The following FOXE1 variants were observed in gnomAD, a reference collection of about 807,000 sequenced individuals.
FOXE1 encodes forkhead box E1.
In FOXE1, 4 loss-of-function variants were observed where a neutral mutation model predicts 2.1. That is an observed-to-expected ratio of 1.91 (90% confidence interval 0.94 to 4.37). The LOEUF (loss-of-function observed/expected upper bound fraction) is 4.37, where lower values mean the gene tolerates loss of function less well. Among genes scored for constraint, FOXE1 ranks in the 30% most tolerant of loss-of-function variants. The pLI is 0.01. For synonymous variants in FOXE1, 277 were observed against 272.4 expected (o/e 1.02, Z -0.17); for missense variants, 574 against 583.3 (o/e 0.98, Z 0.16).
In FOXE1 at chr9:97,854,522, C is replaced by T. The variant is rs766497891; in HGVS notation, c.608C>T (p.Pro203Leu). The change falls in exon 1 of 1, where the codon CCG becomes CTG. Residue 203 changes from proline to leucine, a missense_variant. By Grantham distance (98) the Pro-to-Leu change is moderately conservative (BLOSUM62 -3). Transcript: ENST00000375123. The part of the protein sequence containing the change: ...PGAVYAGYAP[P>L]SLAAPPPVYY... ...GCCGTCTATGCAGGCTACGCGCCGC[C>T]GTCGCTGGCCGCGCCGCCTCCAGTC... 1.7e-5 allele frequency: 21 copies of T among 1,253,374 alleles called. No homozygotes were observed. The highest frequency in any genetic ancestry group is 2.0e-5 in the Non-Finnish European group (20 of 1,003,290). The allele number at this position is 1,253,374 out of a possible 1,614,324, so 77.6% of individuals were successfully genotyped here.
chr9:97,854,119 G>C lies in FOXE1; in HGVS notation c.205G>C (p.Ala69Pro). 1 of 1,611,614 alleles carries C rather than the reference G, an allele frequency of 6.2e-7. No homozygotes were observed. Among genetic ancestry groups the C allele is most frequent in the Non-Finnish European group, 8.5e-7 (1 of 1,179,110 alleles). Residue 69 changes from alanine (A) to proline (P), a missense_variant, in exon 1 of 1, where the codon GCG becomes CCG. Coordinates refer to ENST00000375123, the MANE Select transcript of FOXE1 (RefSeq NM_004473.4). ...IALIAMAIAH[A>P]PERRLTLGGI... ...GCTCATCGCCATGGCCATCGCGCACGCGCCCGAGCGCCGCCTCACGCTGGG... is the reference window on the plus strand; with the variant it reads ...GCTCATCGCCATGGCCATCGCGCACCCGCCCGAGCGCCGCCTCACGCTGGG...
In FOXE1 at chr9:97,853,944, G is replaced by C; in HGVS notation, c.30G>C (p.Pro10=). MTAESGPPP[P]QPEVLATVKE... Reference sequence around the variant, plus strand: ...CTGCCGAGAGCGGGCCGCCGCCGCCGCAGCCGGAGGTGCTGGCTACCGTGA... The same window carrying C: ...CTGCCGAGAGCGGGCCGCCGCCGCCCCAGCCGGAGGTGCTGGCTACCGTGA... The change falls in exon 1 of 1, where the codon CCG becomes CCC. Residue 10 remains proline, a synonymous_variant. Transcript: ENST00000375123. The C allele has an allele frequency of 1.5e-6, 2 of 1,299,780 alleles. No individual in the cohort carries two copies. Among genetic ancestry groups the C allele is most frequent in the Non-Finnish European group, 1.9e-6 (2 of 1,028,818 alleles). The allele number at this position is 1,299,780 out of a possible 1,614,324, so 80.5% of individuals were successfully genotyped here. A position where few individuals can be genotyped will look rare whatever the true frequency, so the allele number is the denominator to read the frequency against.
In FOXE1 at chr9:97,855,012, A is replaced by G; in HGVS notation, c.1098A>G (p.Ile366Met). The G allele has an allele frequency of 6.2e-7, 1 of 1,610,774 alleles. No homozygotes were observed. Among genetic ancestry groups the G allele is most frequent in the Non-Finnish European group, 8.5e-7 (1 of 1,180,004 alleles). The change falls in exon 1 of 1, where the codon ATA (isoleucine) becomes ATG (methionine). Residue 366 changes from isoleucine (I) to methionine (M), a missense_variant. Transcript: ENST00000375123. ...ATGCTGCCGCTTATCCCGGTGGGATAGATCGGTTCGTGTCCGCCATGTGAG... is the reference window on the plus strand; with the variant it reads ...ATGCTGCCGCTTATCCCGGTGGGATGGATCGGTTCGTGTCCGCCATGTGAG... ...ARHAAAYPGG[I>M]DRFVSAM
Position 97,853,230 on chromosome 9 carries a change from C to G in FOXE1, c.-685C>G, listed in dbSNP as rs965248225. On this transcript the variant is annotated 5_prime_UTR_variant, in exon 1 of 1. Coordinates refer to ENST00000375123, the MANE Select transcript of FOXE1 (RefSeq NM_004473.4). ...AGGGGAAGCCGGCGGAGGGAGGAGC[C>G]GGTCCGGTGTGTGCAGGGGAGCGCC... 6.6e-5 allele frequency: 10 copies of G among 152,414 alleles called. No homozygotes were observed. The highest frequency in any genetic ancestry group is 1.9e-4 in the East Asian group (1 of 5,174). 9.4% of individuals were successfully genotyped at this position (152,414 alleles called of 1,614,324 possible).
chr9:97,854,323 T>C lies in FOXE1; in HGVS notation c.409T>C (p.Phe137Leu), dbSNP rs1830633945. ...GCTTGACCCCAACGCGGAGGACATG[T>C]TCGAGAGCGGCAGCTTCCTGCGCCG... is the stretch of plus-strand genomic sequence containing the variant. ...WALDPNAEDMFESGSFLRRRK... is the reference protein window; with the variant it reads ...WALDPNAEDMLESGSFLRRRK... Residue 137 changes from phenylalanine to leucine, a missense_variant, in exon 1 of 1, where the codon TTC becomes CTC. Coordinates refer to ENST00000375123, the MANE Select transcript of FOXE1 (RefSeq NM_004473.4). 6.2e-7 allele frequency: 1 copy of C among 1,607,638 alleles called. No homozygotes were observed. Among genetic ancestry groups the C allele is most frequent in the Non-Finnish European group, 8.5e-7 (1 of 1,177,126 alleles).
In FOXE1 at chr9:97,854,587, G is replaced by A. The variant is rs759780973; in HGVS notation, c.673G>A (p.Gly225Ser). ...AASPGPCRVFGLVPERPLSPE... is the reference protein window; with the variant it reads ...AASPGPCRVFSLVPERPLSPE... ...GTCGCCCGGCCCTTGCCGCGTCTTC[G>A]GCCTGGTTCCTGAGCGGCCGCTCAG... The change falls in exon 1 of 1, where the codon GGC (glycine) becomes AGC (serine). Residue 225 changes from glycine to serine, a missense_variant. Physicochemically the swap from Gly to Ser is moderately conservative, Grantham distance 56. Around this residue, in one of 3 missense-constraint regions of FOXE1, gnomAD observed 316 missense variants for 288.4 expected, o/e 1.10. Coordinates refer to ENST00000375123, the MANE Select transcript of FOXE1 (RefSeq NM_004473.4). 3.0e-6 allele frequency: 4 copies of A among 1,347,846 alleles called. No homozygotes were observed. In the African/African-American group the frequency reaches 6.2e-5, roughly 21 times the overall value. 83.5% of individuals were successfully genotyped at this position (1,347,846 alleles called of 1,614,324 possible).
chr9:97,854,054 G>T lies in FOXE1; in HGVS notation c.140G>T (p.Arg47Leu). The stretch of plus-strand genomic sequence containing the variant: ...GGGGCGGGCGGGCGGCGCCGCAAGC[G>T]CCCCCTGCAGCGCGGGAAGCCGCCC... ...GRGAGGRRRK[R>L]PLQRGKPPYS... The change falls in exon 1 of 1, where the codon CGC becomes CTC. Residue 47 changes from arginine to leucine, a missense_variant. By Grantham distance (102) the Arg-to-Leu change is moderately radical. Around this residue, in one of 3 missense-constraint regions of FOXE1, gnomAD observed 249 missense variants for 269.6 expected, o/e 0.92. Transcript: ENST00000375123. The T allele has an allele frequency of 3.3e-6, 5 of 1,509,462 alleles. No individual in the cohort carries two copies. Among genetic ancestry groups the T allele is most frequent in the Non-Finnish European group, 3.5e-6 (4 of 1,129,336 alleles). 93.5% of individuals were successfully genotyped at this position (1,509,462 alleles called of 1,614,324 possible). A position where few individuals can be genotyped will look rare whatever the true frequency, so the allele number is the denominator to read the frequency against.
In FOXE1 at chr9:97,853,804, C is replaced by A; in HGVS notation, c.-111C>A. The A allele has an allele frequency of 3.1e-6, 3 of 981,556 alleles. No homozygotes were observed. The highest frequency in any genetic ancestry group is 3.9e-6 in the Non-Finnish European group (3 of 765,500). The allele number at this position is 981,556 out of a possible 1,614,324, so 60.8% of individuals were successfully genotyped here. On this transcript the variant is annotated 5_prime_UTR_variant, in exon 1 of 1. Transcript: ENST00000375123. ...CTCTCGGGGCCAGCCCGCGACGATCCCCTGAGCTCTCCGCAGAAGGGCCGA... is the reference window on the plus strand; with the variant it reads ...CTCTCGGGGCCAGCCCGCGACGATCACCTGAGCTCTCCGCAGAAGGGCCGA...
chr9:97,854,129 G>A lies in FOXE1; in HGVS notation c.215G>A (p.Arg72His), dbSNP rs201022863. The A allele has an allele frequency of 1.1e-5, 18 of 1,611,964 alleles. No individual in the cohort carries two copies. Among genetic ancestry groups the A allele is most frequent in the Non-Finnish European group, 5.1e-6 (6 of 1,179,300 alleles). The change falls in exon 1 of 1, where the codon CGC becomes CAC. Residue 72 changes from arginine to histidine, a missense_variant. Coordinates refer to ENST00000375123, the MANE Select transcript of FOXE1 (RefSeq NM_004473.4). Reference protein sequence around the residue: ...IAMAIAHAPERRLTLGGIYKF... With the variant: ...IAMAIAHAPEHRLTLGGIYKF... ...ATGGCCATCGCGCACGCGCCCGAGC[G>A]CCGCCTCACGCTGGGCGGCATCTAC...
Position 97,854,989 on chromosome 9 carries a change from G to A in FOXE1, c.1075G>A (p.Ala359Thr), listed in dbSNP as rs1587809193. The change falls in exon 1 of 1, where the codon GCT (alanine) becomes ACT (threonine). Residue 359 changes from alanine to threonine, a missense_variant. Physicochemically the swap from Ala to Thr is moderately conservative, Grantham distance 58 (BLOSUM62 0). This residue lies in a region of FOXE1 where 316 missense variants were observed against 288.4 expected (regional missense o/e 1.10). Coordinates refer to ENST00000375123, the MANE Select transcript of FOXE1 (RefSeq NM_004473.4). ...ASAGAYHARH[A>T]AAYPGGIDRF... ...TGCAGGCGCCTACCATGCTCGCCAT[G>A]CTGCCGCTTATCCCGGTGGGATAGA... 6.2e-7 allele frequency: 1 copy of A among 1,607,984 alleles called. No homozygotes were observed. Among genetic ancestry groups the A allele is most frequent in the Admixed American group, 1.7e-5 (1 of 60,012 alleles).
rs187232918 is a variant in FOXE1 at position 97,854,806 on chromosome 9, G to C, written c.892G>C (p.Ala298Pro). ...GCAGGGCGCCGGCAGTGCGATCTTTGCCGCTGCTGGCCGCCTGGCGGGACC... is the reference window on the plus strand; with the variant it reads ...GCAGGGCGCCGGCAGTGCGATCTTTCCCGCTGCTGGCCGCCTGGCGGGACC... ...YPQGAGSAIFAAAGRLAGPAS... is the reference protein window; with the variant it reads ...YPQGAGSAIFPAAGRLAGPAS... Residue 298 changes from alanine to proline, a missense_variant, in exon 1 of 1, where the codon GCC becomes CCC. By Grantham distance (27) the Ala-to-Pro change is conservative. Coordinates refer to ENST00000375123, the MANE Select transcript of FOXE1 (RefSeq NM_004473.4). The C allele has an allele frequency of 5.2e-6, 8 of 1,531,594 alleles. No individual in the cohort carries two copies. The East Asian group carries it at 2.0e-4, about 37-fold the overall frequency. 94.9% of individuals were successfully genotyped at this position (1,531,594 alleles called of 1,614,324 possible).
In FOXE1 at chr9:97,855,235, C is replaced by A; in HGVS notation, c.*199C>A. On this transcript the variant is annotated 3_prime_UTR_variant, in exon 1 of 1. Transcript: ENST00000375123. ...AACGGGAGGAGGTGGGGCGAGGCAG[C>A]CAGAGCCCTTGGACTGGCACAGGGA... 1.4e-6 allele frequency: 1 copy of A among 707,034 alleles called. No homozygotes were observed. The highest frequency in any genetic ancestry group is 2.5e-6 in the Non-Finnish European group (1 of 397,690). 43.8% of individuals were successfully genotyped at this position (707,034 alleles called of 1,614,324 possible).
In FOXE1 at chr9:97,854,577, C is replaced by T; in HGVS notation, c.663C>T (p.Cys221=). 1.5e-6 allele frequency: 2 copies of T among 1,339,476 alleles called. No individual in the cohort carries two copies. Among genetic ancestry groups the T allele is most frequent in the Non-Finnish European group, 1.9e-6 (2 of 1,052,228 alleles). The allele number at this position is 1,339,476 out of a possible 1,614,324, so 83.0% of individuals were successfully genotyped here. A position where few individuals can be genotyped will look rare whatever the true frequency, so the allele number is the denominator to read the frequency against. ...VYYPAASPGP[C]RVFGLVPERP... The stretch of plus-strand genomic sequence containing the variant: ...ACCCCGCGGCGTCGCCCGGCCCTTG[C>T]CGCGTCTTCGGCCTGGTTCCTGAGC... Residue 221 remains cysteine (C), a synonymous_variant, in exon 1 of 1, where the codon TGC becomes TGT. Transcript: ENST00000375123.
chr9:97,855,430 CGG>C lies in FOXE1; in HGVS notation c.*395_*396del. 1 of 316,674 alleles carries C rather than the reference CGG, an allele frequency of 3.2e-6. No individual in the cohort carries two copies. The highest frequency in any genetic ancestry group is 6.3e-6 in the Non-Finnish European group (1 of 158,302). The allele number at this position is 316,674 out of a possible 1,614,324, so 19.6% of individuals were successfully genotyped here. ...CTGCCGGAACTCGGGCCTTTTTACG[CGG>C]TTCGTCCTCTAGTGCCTTTAACTGC... On this transcript the variant is annotated 3_prime_UTR_variant, in exon 1 of 1. Coordinates refer to ENST00000375123, the MANE Select transcript of FOXE1 (RefSeq NM_004473.4).
In FOXE1 at chr9:97,855,640, C is replaced by G. The variant is rs759251921; in HGVS notation, c.*604C>G. 2.3e-5 allele frequency: 4 copies of G among 172,796 alleles called. No individual in the cohort carries two copies. The highest frequency in any genetic ancestry group is 5.6e-5 in the Non-Finnish European group (4 of 71,560). 10.7% of individuals were successfully genotyped at this position (172,796 alleles called of 1,614,324 possible). ...CTCCGAGTTGAACTGTGCGTCAGCA[C>G]TCCAGTCCCATCACCTGAACCTTCA... is the stretch of plus-strand genomic sequence containing the variant. On this transcript the variant is annotated 3_prime_UTR_variant, in exon 1 of 1. Coordinates refer to ENST00000375123, the MANE Select transcript of FOXE1 (RefSeq NM_004473.4).
Position 97,854,927 on chromosome 9 carries a change from C to A in FOXE1, c.1013C>A (p.Ala338Asp). 6.2e-7 allele frequency: 1 copy of A among 1,600,972 alleles called. No individual in the cohort carries two copies. Among genetic ancestry groups the A allele is most frequent in the Non-Finnish European group, 8.5e-7 (1 of 1,179,806 alleles). The stretch of plus-strand genomic sequence containing the variant: ...CCCGGCCAGTTCGGAGCGCTGGGAG[C>A]CTGCTACAACCCTGGCGGGCAGCTC... Reference protein sequence around the residue: ...TSPGQFGALGACYNPGGQLGG... With the variant: ...TSPGQFGALGDCYNPGGQLGG... Residue 338 changes from alanine to aspartate, a missense_variant, in exon 1 of 1, where the codon GCC becomes GAC. Physicochemically the swap from Ala to Asp is moderately radical, Grantham distance 126 (BLOSUM62 -2). This residue lies in a region of FOXE1 where 316 missense variants were observed against 288.4 expected (regional missense o/e 1.10). Coordinates refer to ENST00000375123, the MANE Select transcript of FOXE1 (RefSeq NM_004473.4).
Position 97,855,081 on chromosome 9 carries a change from C to A in FOXE1, c.*45C>A. Reference sequence around the variant, plus strand: ...CTCATAGACACATCGGCTGTTCACACGTTCCCCGCAATCTGAGAACGAACA... The same window carrying A: ...CTCATAGACACATCGGCTGTTCACAAGTTCCCCGCAATCTGAGAACGAACA... On this transcript the variant is annotated 3_prime_UTR_variant, in exon 1 of 1. Transcript: ENST00000375123. The A allele has an allele frequency of 6.2e-7, 1 of 1,605,310 alleles. No homozygotes were observed. The highest frequency in any genetic ancestry group is 8.5e-7 in the Non-Finnish European group (1 of 1,175,372).
rs1456874527 is a variant in FOXE1, at chr9:97,854,146, G to A, written c.232G>A (p.Gly78Ser). The A allele has an allele frequency of 6.2e-7, 1 of 1,612,510 alleles. No individual in the cohort carries two copies. The highest frequency in any genetic ancestry group is 1.7e-5 in the Admixed American group (1 of 59,928). Reference sequence around the variant, plus strand: ...GCCCGAGCGCCGCCTCACGCTGGGCGGCATCTACAAGTTCATCACCGAGCG... The same window carrying A: ...GCCCGAGCGCCGCCTCACGCTGGGCAGCATCTACAAGTTCATCACCGAGCG... ...HAPERRLTLG[G>S]IYKFITERFP... The change falls in exon 1 of 1, where the codon GGC becomes AGC. Residue 78 changes from glycine (G) to serine (S), a missense_variant. Transcript: ENST00000375123.
At position 97,854,104 on chromosome 9, in the gene FOXE1, A is replaced by G. The variant is rs567993682; in HGVS notation, c.190A>G (p.Met64Val). ...PPYSYIALIA[M>V]AIAHAPERRL... ...CTACAGCTACATCGCGCTCATCGCC[A>G]TGGCCATCGCGCACGCGCCCGAGCG... is the stretch of plus-strand genomic sequence containing the variant. The change falls in exon 1 of 1, where the codon ATG becomes GTG. Residue 64 changes from methionine (M) to valine (V), a missense_variant. By Grantham distance (21) the Met-to-Val change is conservative. Transcript: ENST00000375123. The G allele has an allele frequency of 1.9e-6, 3 of 1,610,566 alleles. No homozygotes were observed. The highest frequency in any genetic ancestry group is 2.5e-6 in the Non-Finnish European group (3 of 1,178,634).
Sources: gnomAD v4.1 joint callset for allele counts on GRCh38, gnomAD v4.1.1 for gene constraint, gnomAD v4.1.1 regional missense constraint, MANE v1.5 for transcripts, NCBI Gene and HGNC (gene_info 2026-07-23, HGNC 2026-07-21) for gene names.